The following GLI2 variants were observed in gnomAD, a reference collection of about 807,000 sequenced individuals.
The protein encoded by GLI2 is transcription activator GLI2.
Under a neutral mutation model 78.9 loss-of-function variants are expected in GLI2, and 22 were observed. That is an observed-to-expected ratio of 0.28 (90% CI 0.20 to 0.40). The LOEUF (loss-of-function observed/expected upper bound fraction) is 0.40. GLI2 is among the 10% of genes least tolerant of loss of function. The probability of loss-of-function intolerance (pLI) is 1.00; values close to 1 mark genes in which losing one functional copy is unlikely to be tolerated. For synonymous variants in GLI2, 974 were observed against 963.7 expected, an observed-to-expected ratio of 1.01 and a Z score of -0.20; for missense variants, 2,097 against 2,213.2, an observed-to-expected ratio of 0.95 and a Z score of 1.05.
intron 2 of GLI2, among the ~76,000 whole-genome samples, chr2:120,808,331 A>G (rs898425953): frequency 6.6e-6 from 1 of 152,116 alleles, no homozygotes; most frequent in Non-Finnish European, 1.5e-5. Flanking sequence ...TCCCACCATT[A>G]GGTGTTTACC....
At chr2:120,986,646 C>T (rs1250112174) in intron 13 of GLI2, 32 bp downstream of exon 13, 1 of 1,580,384 alleles carries the variant, frequency 6.3e-7, no homozygotes, top group South Asian at 1.1e-5. Flanking sequence ...GCAGATGGGG[C>T]AGAAGAGAGT....
chr2:120,848,737 C>T (rs1261812058), intron 2 of GLI2, among the ~76,000 whole-genome samples: 1 of 152,166 alleles, frequency 6.6e-6, no homozygotes, highest in East Asian at 1.9e-4. Flanking sequence ...CTGGGGACAG[C>T]AAGATGTGGG....
chr2:120,909,305 TCTCC>T (rs1678695755), intron 2 of GLI2, among the ~76,000 whole-genome samples: 1 of 151,932 alleles, frequency 6.6e-6, no homozygotes, highest in East Asian at 1.9e-4. Flanking sequence ...GGCCCTACTG[TCTCC>T]CTCCCCACCA....
intron 2 of GLI2, among the ~76,000 whole-genome samples, chr2:120,924,148 T>C (rs1156739334): frequency 2.6e-5 from 4 of 152,200 alleles, no homozygotes; most frequent in Non-Finnish European, 5.9e-5. Flanking sequence ...GGGGATGGCC[T>C]GTGTGAAGAC....
intron 2 of GLI2, among the ~76,000 whole-genome samples, chr2:120,822,719 A>G (rs1027996085): frequency 7.2e-5 from 11 of 152,120 alleles, no homozygotes; most frequent in African/African-American, 2.7e-4. Context: ...TCCATGCCAT[A>G]CTTCCCTTCC....
chr2:120,908,949 C>G (rs1207624575), intron 2 of GLI2, among the ~76,000 whole-genome samples: 1 of 152,132 alleles, frequency 6.6e-6, no homozygotes, highest in Non-Finnish European at 1.5e-5. Context: ...GATCACCCCC[C>G]GTCTCTGCCT....
At chr2:120,805,641 T>TG (rs1684913865) in intron 2 of GLI2, among the ~76,000 whole-genome samples, 1 of 152,238 alleles carries the variant, frequency 6.6e-6, no homozygotes, top group Non-Finnish European at 1.5e-5. Flanking sequence ...TGATATTACT[T>TG]GGACTGGAAA....
At chr2:120,868,783 C>G (rs1164019782) in intron 2 of GLI2, among the ~76,000 whole-genome samples, 1 of 152,158 alleles carries the variant, frequency 6.6e-6, no homozygotes, top group Non-Finnish European at 1.5e-5. Context: ...GCAGCAGTGT[C>G]CTGGAAAGAC....
rs570025548 is a variant in GLI2 at position 120,828,237 on chromosome 2, C to A, written c.148+30769C>A. ...GAGCAGCTTGCTGGGCCAAGGCCCC[C>A]GGGCCAGGTGGCTTCTCTGAGGAAA... On this transcript the variant is annotated intron_variant, in intron 2 of 13. Coordinates refer to ENST00000361492, the MANE Select transcript of GLI2 (RefSeq NM_001374353.1). 9.8e-5 allele frequency among the ~76,000 whole-genome samples: 15 copies of A among 152,296 alleles called. 1 individual carries two copies. The South Asian group carries it at 2.9e-3, about 29-fold the overall frequency.
At chr2:120,819,782 C>T (rs771029434) in intron 2 of GLI2, among the ~76,000 whole-genome samples, 14 of 152,118 alleles carry the variant, frequency 9.2e-5, no homozygotes, top group African/African-American at 2.9e-4. Flanking sequence ...GGGAGCTCAC[C>T]AGCTAAGAAG....
chr2:120,823,798 G>A (rs1009789951), intron 2 of GLI2, among the ~76,000 whole-genome samples: 13 of 152,314 alleles, frequency 8.5e-5, no homozygotes, highest in African/African-American at 1.9e-4. Context: ...AAGTGAAGCC[G>A]TGTGGGATTC....
Position 120,800,014 on chromosome 2 carries a change from A to G in GLI2, c.148+2546A>G, listed in dbSNP as rs908072734. ...TACCCAAGGGTCTTCTGGGACTGGA[A>G]TGGTGTAGGAGAAAGGGTGGCATTG... is the stretch of plus-strand genomic sequence containing the variant. On this transcript the variant is annotated intron_variant, in intron 2 of 13. Transcript: ENST00000361492. This position sits in a 1 kb window ranked among gnomAD's most constrained non-coding sequence, Gnocchi z 4.1. 3.3e-5 allele frequency among the ~76,000 whole-genome samples: 5 copies of G among 152,138 alleles called. No homozygotes were observed. The highest frequency in any genetic ancestry group is 5.9e-5 in the Non-Finnish European group (4 of 68,016).
intron 4 of GLI2, 105 bp from the exon 5 acceptor site, chr2:120,955,140 C>T: frequency 1.3e-6 from 1 of 745,004 alleles, no homozygotes; most frequent in Non-Finnish European, 2.3e-6. Context: ...ACCAGGTGTG[C>T]ATTTCTCTCT....
intron 1 of GLI2, among the ~76,000 whole-genome samples, chr2:120,776,411 G>A (rs1364581923): frequency 6.6e-6 from 1 of 152,172 alleles, no homozygotes; most frequent in Admixed American, 6.5e-5. Flanking sequence ...GCTGAGTCTA[G>A]CCTGCCTGCT....
intron 1 of GLI2, among the ~76,000 whole-genome samples, chr2:120,747,921 C>T (rs781681099): frequency 3.3e-5 from 5 of 152,208 alleles, no homozygotes; most frequent in Non-Finnish European, 7.3e-5. Context: ...AGAGGAATTC[C>T]TTGTGTAATC....
chr2:120,942,997 C>A (rs1263300057), intron 3 of GLI2, among the ~76,000 whole-genome samples: 1 of 152,204 alleles, frequency 6.6e-6, no homozygotes, highest in African/African-American at 2.4e-5. Context: ...TTCATTCATT[C>A]ATTCAGCACA....
chr2:120,902,579 C>T (rs774393284), intron 2 of GLI2, among the ~76,000 whole-genome samples: 1 of 152,136 alleles, frequency 6.6e-6, no homozygotes, highest in Non-Finnish European at 1.5e-5. Flanking sequence ...AGGAGGCACT[C>T]ATTCCTTGTT....
intron 1 of GLI2, among the ~76,000 whole-genome samples, chr2:120,792,957 A>C (rs1684218022): frequency 6.6e-6 from 1 of 152,194 alleles, no homozygotes; most frequent in Non-Finnish European, 1.5e-5. Context: ...AAGGGACCTT[A>C]TGAGCACCCC....
chr2:120,953,357 G>A (rs909965134), intron 4 of GLI2, among the ~76,000 whole-genome samples: 15 of 152,188 alleles, frequency 9.9e-5, no homozygotes, highest in African/African-American at 3.1e-4. Flanking sequence ...TGGAAGAGGC[G>A]GGAAACCATC....
Sources: gnomAD v4.1 joint callset for allele counts (sites outside exome capture counted in the v4.1 genomes callset) on GRCh38, gnomAD v4.1.1 for gene constraint, Gnocchi (gnomAD v3.1) non-coding constraint, MANE v1.5 for transcripts, NCBI Gene and HGNC (gene_info 2026-07-23, HGNC 2026-07-21) for gene names.